Variants in OSBPL10 observed in about 807,000 individuals in gnomAD.
OSBPL10 encodes the protein oxysterol binding protein like 10.
OSBPL10 carries 49 observed loss-of-function variants against 81.7 expected under a neutral mutation model. That is an observed-to-expected ratio of 0.60 (90% CI 0.48 to 0.76). The LOEUF is 0.76. Among genes scored for constraint, OSBPL10 ranks in the 30% least tolerant of loss-of-function variants. The pLI, the probability that OSBPL10 is intolerant of heterozygous loss-of-function variation, is 0.00. For missense variants in OSBPL10, 923 were observed against 987.8 expected (o/e 0.93, Z 0.88); for synonymous variants, 419 against 383.6 (o/e 1.09, Z -1.08).
At chr3:31,740,961 A>T (rs1298032622) in intron 5 of OSBPL10, among the ~76,000 whole-genome samples, 1 of 151,352 alleles carries the variant, frequency 6.6e-6, no homozygotes, top group Non-Finnish European at 1.5e-5. Context: ...GGAAATAAAA[A>T]CAAAAATCAT....
intron 1 of OSBPL10, among the ~76,000 whole-genome samples, chr3:31,893,908 G>A (rs1419161000): frequency 6.6e-6 from 1 of 152,152 alleles, no homozygotes; most frequent in Non-Finnish European, 1.5e-5. Flanking sequence ...AAATGTTGGT[G>A]TTAGAAATAT....
chr3:32,006,668 G>A (rs1699208023), intron 2 of OSBPL10, among the ~76,000 whole-genome samples: 2 of 152,142 alleles, frequency 1.3e-5, no homozygotes, highest in South Asian at 4.1e-4. Context: ...TTCTCCAATA[G>A]TGAGGCACTG....
intron 1 of OSBPL10, among the ~76,000 whole-genome samples, chr3:32,068,348 G>T (rs1699797296): frequency 6.6e-6 from 1 of 152,128 alleles, no homozygotes; most frequent in South Asian, 2.1e-4. Context: ...TCCCTTGGTG[G>T]CAAGTCAATT....
At chr3:31,851,681 T>C (rs1222478436) in intron 3 of OSBPL10, among the ~76,000 whole-genome samples, 2 of 152,228 alleles carry the variant, frequency 1.3e-5, no homozygotes, top group East Asian at 3.9e-4. Context: ...AAAGATGTGA[T>C]TTGCTTCTTC....
At chr3:31,681,998 C>T (rs2125543129) in intron 8 of OSBPL10, among the ~76,000 whole-genome samples, 1 of 152,296 alleles carries the variant, frequency 6.6e-6, no homozygotes, top group Admixed American at 6.5e-5. Flanking sequence ...GTCCATCCTT[C>T]TAGGTGCTCA....
At chr3:31,964,287 A>C (rs1341239356) in intron 1 of OSBPL10, among the ~76,000 whole-genome samples, 1 of 151,736 alleles carries the variant, frequency 6.6e-6, no homozygotes, top group Non-Finnish European at 1.5e-5. Context: ...CTCCCGACTA[A>C]CTGGGACTAC....
intron 7 of OSBPL10, among the ~76,000 whole-genome samples, chr3:31,691,455 C>T (rs544642964): frequency 7.2e-4 from 109 of 152,258 alleles, no homozygotes; most frequent in African/African-American, 2.5e-3. Flanking sequence ...TGCAGTGGCT[C>T]AGACCCATGA....
intron 1 of OSBPL10, among the ~76,000 whole-genome samples, chr3:31,965,783 A>T (rs1575066283): frequency 1.3e-5 from 1 of 78,996 alleles, no homozygotes. Flanking sequence ...ATATTATATA[A>T]ATAGATAAGA....
intron 3 of OSBPL10, among the ~76,000 whole-genome samples, chr3:31,837,321 T>TTATATATA (rs59797512): frequency 1.0e-4 from 6 of 59,098 alleles, no homozygotes; most frequent in South Asian, 1.5e-3. Context: ...GATCCCCAAA[T>TTATATATA]TATATATATA....
chr3:31,832,213 A>C (rs1310861114), intron 3 of OSBPL10, among the ~76,000 whole-genome samples: 1 of 152,212 alleles, frequency 6.6e-6, no homozygotes, highest in East Asian at 1.9e-4. Flanking sequence ...ATTTGTTTAA[A>C]ACAAACATAC....
rs1406069237 is a variant in OSBPL10, at chr3:32,060,684, A to T, written n.186-14081T>A. ...AAAACCCACTTCCATGGGCAGGCAC[A>T]GTGGCTCATGCCTGTAATCCCAGTA... is the stretch of plus-strand genomic sequence containing the variant. On this transcript the variant is annotated intron_variant and non_coding_transcript_variant, in intron 1 of 3. Coordinates refer to the OSBPL10 transcript ENST00000479173. Among the ~76,000 whole-genome samples, 5 of 91,756 alleles carry T rather than the reference A, an allele frequency of 5.4e-5. 1 individual carries two copies. The highest frequency in any genetic ancestry group is 1.4e-4 in the African/African-American group (5 of 35,716). The allele number at this position is 91,756 out of a possible 152,430, so 60.2% of individuals were successfully genotyped here.
At chr3:32,036,399 A>G (rs1184442319) in intron 2 of OSBPL10, among the ~76,000 whole-genome samples, 1 of 152,148 alleles carries the variant, frequency 6.6e-6, no homozygotes, top group African/African-American at 2.4e-5. Flanking sequence ...CTGCATTCCA[A>G]TTGCCACTGC....
At chr3:31,987,762 A>G (rs1259354581) in intron 2 of OSBPL10, among the ~76,000 whole-genome samples, 1 of 152,250 alleles carries the variant, frequency 6.6e-6, no homozygotes, top group East Asian at 1.9e-4. Context: ...CCACATTTCA[A>G]CTAACAGTGC....
chr3:31,796,132 C>T (rs774203842), intron 4 of OSBPL10: 14 of 177,210 alleles, frequency 7.9e-5, no homozygotes, highest in Non-Finnish European at 1.3e-4. Context: ...TGAAGCCATT[C>T]TCTCCTTCAG....
At chr3:31,790,966 G>A (rs1297196899) in intron 4 of OSBPL10, among the ~76,000 whole-genome samples, 1 of 152,144 alleles carries the variant, frequency 6.6e-6, no homozygotes, top group East Asian at 1.9e-4. Flanking sequence ...AGGATTCCCT[G>A]GCTGGCTGGC....
At chr3:32,048,092 A>T (rs553023664) in intron 1 of OSBPL10, among the ~76,000 whole-genome samples, 1 of 152,222 alleles carries the variant, frequency 6.6e-6, no homozygotes, top group Admixed American at 6.5e-5. Flanking sequence ...CCCAGCCCCT[A>T]TTAAAGATGG....
chr3:32,069,145 T>G (rs2125447836), intron 1 of OSBPL10, among the ~76,000 whole-genome samples: 1 of 152,310 alleles, frequency 6.6e-6, no homozygotes, highest in Admixed American at 6.5e-5. Context: ...GTGTTTAGGC[T>G]CTTTCTCATC....
chr3:32,028,189 G>T (rs1699434583), intron 2 of OSBPL10, among the ~76,000 whole-genome samples: 1 of 152,148 alleles, frequency 6.6e-6, no homozygotes, highest in Non-Finnish European at 1.5e-5. Context: ...AGATATAAAT[G>T]TATGTGTTAC....
intron 4 of OSBPL10, among the ~76,000 whole-genome samples, chr3:31,772,130 A>G (rs562738708): frequency 1.2e-4 from 19 of 152,276 alleles, no homozygotes; most frequent in Admixed American, 6.5e-4. Context: ...ATTAGACAAT[A>G]CTAAACGTTT....
Sources: allele counts gnomAD v4.1 joint callset (sites outside exome capture counted in the v4.1 genomes callset), GRCh38; gene constraint gnomAD v4.1.1; transcripts MANE v1.5; gene names NCBI Gene and HGNC (gene_info 2026-07-23, HGNC 2026-07-21).